The following PAQR8 variants were observed in gnomAD, a reference collection of about 807,000 sequenced individuals.
PAQR8 encodes membrane progestin receptor beta.
In PAQR8, 17 loss-of-function variants were observed where a neutral mutation model predicts 25.2. The observed-to-expected ratio is 0.67, with a 90% CI of 0.46 to 1.01. The LOEUF is 1.01. PAQR8 is among the 50% of genes least tolerant of loss of function. The probability of loss-of-function intolerance (pLI) is 0.00; values close to 1 mark genes in which losing one functional copy is unlikely to be tolerated. For synonymous variants in PAQR8, 204 were observed against 190.6 expected (o/e 1.07, Z -0.58); for missense variants, 392 against 448.4 (o/e 0.87, Z 1.14).
intron 1 of PAQR8, among the ~76,000 whole-genome samples, chr6:52,389,625 T>C (rs1310117901): frequency 6.6e-6 from 1 of 152,236 alleles, no homozygotes; most frequent in Non-Finnish European, 1.5e-5. Flanking sequence ...AGTGACTTGC[T>C]TGACTCTTTA....
chr6:52,397,713 A>C (rs1763782727), intron 1 of PAQR8, among the ~76,000 whole-genome samples: 1 of 152,228 alleles, frequency 6.6e-6, no homozygotes, highest in Non-Finnish European at 1.5e-5. Context: ...TCAGCTGTCC[A>C]GGAGCTGGAG....
chr6:52,371,730 AT>A (rs1763421755), intron 1 of PAQR8, among the ~76,000 whole-genome samples: 1 of 152,234 alleles, frequency 6.6e-6, no homozygotes, highest in South Asian at 2.1e-4. Flanking sequence ...GTATTGAGCA[AT>A]CACTGTGTGC....
At chr6:52,363,090 T>G (rs576583894) in intron 1 of PAQR8, among the ~76,000 whole-genome samples, 2 of 151,966 alleles carry the variant, frequency 1.3e-5, no homozygotes, top group South Asian at 4.2e-4. Flanking sequence ...GGGAATCTAG[T>G]CTAGGGAGCA....
At chr6:52,401,185 T>C (rs1763825258) in intron 1 of PAQR8, among the ~76,000 whole-genome samples, 1 of 152,248 alleles carries the variant, frequency 6.6e-6, no homozygotes, top group African/African-American at 2.4e-5. Flanking sequence ...TTAGGTATTT[T>C]TTCTCTTCCA....
chr6:52,383,477 C>T (rs1202001734), intron 1 of PAQR8, among the ~76,000 whole-genome samples: 5 of 151,746 alleles, frequency 3.3e-5, no homozygotes, highest in African/African-American at 9.7e-5. Context: ...CCGGCTAAAA[C>T]GGTGAAACCC....
chr6:52,404,484 G>C lies in PAQR8; in HGVS notation c.*206G>C, dbSNP rs1318034481. 3.8e-6 allele frequency: 2 copies of C among 528,106 alleles called. No homozygotes were observed. The highest frequency in any genetic ancestry group is 3.8e-5 in the African/African-American group (2 of 52,726). 32.7% of individuals were successfully genotyped at this position (528,106 alleles called of 1,614,324 possible). On this transcript the variant is annotated 3_prime_UTR_variant, in exon 2 of 2. Transcript: ENST00000442253. Reference sequence around the variant, plus strand: ...ATACTCCTTTTCCTTTTGGATCATAGCTTAACAAGGCACAGGAAGGGAAGG... The same window carrying C: ...ATACTCCTTTTCCTTTTGGATCATACCTTAACAAGGCACAGGAAGGGAAGG...
chr6:52,406,387 A>AT lies in PAQR8; in HGVS notation c.*2115dup, dbSNP rs1367259801. ...AGAGATCTTTAGTTCAAATCCACGTATTTTTTAAAAGAGAGAACCGGAGGT... is the reference window on the plus strand; with the variant it reads ...AGAGATCTTTAGTTCAAATCCACGTATTTTTTTAAAAGAGAGAACCGGAGGT... On this transcript the variant is annotated 3_prime_UTR_variant, in exon 2 of 2. Coordinates refer to ENST00000442253, the MANE Select transcript of PAQR8 (RefSeq NM_133367.5). The AT allele has an allele frequency of 4.9e-6, 2 of 412,292 alleles. No individual in the cohort carries two copies. Among genetic ancestry groups the AT allele is most frequent in the African/African-American group, 4.1e-5 (2 of 48,582 alleles). The allele number at this position is 412,292 out of a possible 1,614,324, so 25.5% of individuals were successfully genotyped here. A position where few individuals can be genotyped will look rare whatever the true frequency, so the allele number is the denominator to read the frequency against.
chr6:52,375,488 G>A (rs554340172), intron 1 of PAQR8, among the ~76,000 whole-genome samples: 1 of 152,192 alleles, frequency 6.6e-6, no homozygotes, highest in Non-Finnish European at 1.5e-5. Flanking sequence ...CTGGAAAACA[G>A]AAGAGAAAGC....
At chr6:52,380,602 T>C (rs1162747381) in intron 1 of PAQR8, among the ~76,000 whole-genome samples, 1 of 152,250 alleles carries the variant, frequency 6.6e-6, no homozygotes, top group African/African-American at 2.4e-5. Flanking sequence ...TGTTGTTGTT[T>C]GTCCTGAGAA....
At chr6:52,395,620 T>TA (rs2113948907) in intron 1 of PAQR8, among the ~76,000 whole-genome samples, 1 of 152,336 alleles carries the variant, frequency 6.6e-6, no homozygotes, top group Non-Finnish European at 1.5e-5. Context: ...TTTTTGATTT[T>TA]AAAAAATTGC....
At chr6:52,396,968 GA>G (rs1376321559) in intron 1 of PAQR8, among the ~76,000 whole-genome samples, 1 of 152,166 alleles carries the variant, frequency 6.6e-6, no homozygotes, top group African/African-American at 2.4e-5. Context: ...AAGGGCCTGG[GA>G]GAAGTACCTG....
intron 1 of PAQR8, among the ~76,000 whole-genome samples, chr6:52,399,640 T>C (rs1763808166): frequency 6.6e-6 from 1 of 152,216 alleles, no homozygotes; most frequent in African/African-American, 2.4e-5. Context: ...ACAGGGATAC[T>C]GGGAGCATCT....
intron 1 of PAQR8, among the ~76,000 whole-genome samples, chr6:52,378,068 C>T (rs866211695): frequency 2.0e-4 from 31 of 152,170 alleles, no homozygotes; most frequent in African/African-American, 6.8e-4. Flanking sequence ...GGGCAAGGGA[C>T]TTCACCTGTT....
intron 1 of PAQR8, among the ~76,000 whole-genome samples, chr6:52,369,096 A>G (rs964949321): frequency 2.0e-5 from 3 of 152,254 alleles, no homozygotes; most frequent in Non-Finnish European, 4.4e-5. Context: ...GGAATATTCA[A>G]TACCATATCA....
intron 1 of PAQR8, among the ~76,000 whole-genome samples, chr6:52,387,100 G>A (rs1763641638): frequency 6.6e-6 from 1 of 152,098 alleles, no homozygotes; most frequent in South Asian, 2.1e-4. Flanking sequence ...CTCTGCAACT[G>A]ATTATTAATT....
At chr6:52,379,951 G>C (rs1319661391) in intron 1 of PAQR8, among the ~76,000 whole-genome samples, 3 of 150,954 alleles carry the variant, frequency 2.0e-5, no homozygotes, top group Admixed American at 6.6e-5. Context: ...TTAAGAGATG[G>C]GGTTTCACCA....
In PAQR8 at chr6:52,392,570, GAGCTTTTCTTTAATTCCC is replaced by G. The variant is rs1763722466; in HGVS notation, c.-52-10591_-52-10574del. Among the ~76,000 whole-genome samples, 3 of 152,244 alleles carry G rather than the reference GAGCTTTTCTTTAATTCCC, an allele frequency of 2.0e-5. No homozygotes were observed. In the South Asian group the frequency reaches 6.2e-4, roughly 32 times the overall value. ...AAACAATGCCAGTTTCCCAAATATGGAGCTTTTCTTTAATTCCCCACTTTGTTAATTTGGGAAAGGCTT... is the reference window on the plus strand; with the variant it reads ...AAACAATGCCAGTTTCCCAAATATGGCACTTTGTTAATTTGGGAAAGGCTT... On this transcript the variant is annotated intron_variant, in intron 1 of 1. Transcript: ENST00000442253.
At chr6:52,386,542 C>T (rs760395902) in intron 1 of PAQR8, among the ~76,000 whole-genome samples, 2 of 152,150 alleles carry the variant, frequency 1.3e-5, no homozygotes, top group Non-Finnish European at 2.9e-5. Flanking sequence ...TTTGCAGCAA[C>T]ATTATCTTAA....
chr6:52,389,509 T>A (rs10046399), intron 1 of PAQR8, among the ~76,000 whole-genome samples: 6,296 of 152,104 alleles, frequency 0.041, 212 homozygotes, highest in East Asian at 0.15. Flanking sequence ...AATAGATAGA[T>A]AAGGGTTGGG....
Sources: gnomAD v4.1 joint callset for allele counts (sites outside exome capture counted in the v4.1 genomes callset) on GRCh38, gnomAD v4.1.1 for gene constraint, MANE v1.5 for transcripts, NCBI Gene and HGNC (gene_info 2026-07-23, HGNC 2026-07-21) for gene names.